Variants in PUDP observed in about 807,000 individuals in gnomAD.
The protein encoded by PUDP is pseudouridine-5'-phosphatase.
Under a neutral mutation model 9.4 loss-of-function variants are expected in PUDP, and 8 were observed. The observed-to-expected ratio is 0.85, with a 90% CI of 0.50 to 1.53. PUDP has a LOEUF of 1.53. Ranked by LOEUF, PUDP falls within the 40% of genes most tolerant of loss-of-function variation. The pLI is 0.00. For synonymous variants in PUDP, 99 were observed against 80.7 expected (o/e 1.23, Z -1.22); for missense variants, 188 against 189.7 (o/e 0.99, Z 0.05).
At chrX:6,940,706 G>A (rs73629012) in intron 3 of PUDP, among the ~76,000 whole-genome samples, 3,490 of 111,072 alleles carry the variant, frequency 0.031, 139 homozygotes, top group African/African-American at 0.11. Flanking sequence ...AGACACGAGA[G>A]TAACAAGTCC....
chrX:7,089,883 G>C (rs984094269), intron 2 of PUDP, among the ~76,000 whole-genome samples: 2 of 111,779 alleles, frequency 1.8e-5, no homozygotes, highest in South Asian at 3.7e-4. Flanking sequence ...AAGAAAAGAG[G>C]GGGTAACATC....
chrX:7,049,909 G>T lies in PUDP; in HGVS notation c.*387C>A. 7.5e-6 allele frequency: 1 copy of T among 133,423 alleles called. No individual in the cohort carries two copies. Among genetic ancestry groups the T allele is most frequent in the Non-Finnish European group, 1.5e-5 (1 of 66,907 alleles). The allele number at this position is 133,423 out of a possible 1,213,427, so 11.0% of individuals were successfully genotyped here. A position where few individuals can be genotyped will look rare whatever the true frequency, so the allele number is the denominator to read the frequency against. On this transcript the variant is annotated 3_prime_UTR_variant, in exon 4 of 4. Transcript: ENST00000381077. ...GTATATATTTTACATATACATGCAT[G>T]CATATGTCTACATACATATGCATGT...
At chrX:7,097,735 A>G (rs1931612902) in intron 2 of PUDP, among the ~76,000 whole-genome samples, 1 of 111,750 alleles carries the variant, frequency 8.9e-6, no homozygotes, top group Non-Finnish European at 1.9e-5. Context: ...GCTGACTTCC[A>G]GAGGATGAGT....
chrX:6,727,080 T>C (rs1416001478), intron 3 of PUDP, among the ~76,000 whole-genome samples: 1 of 111,598 alleles, frequency 9.0e-6, no homozygotes, highest in Non-Finnish European at 1.9e-5. Context: ...GAAAATTTTT[T>C]CTTGGGAAAG....
intron 3 of PUDP, among the ~76,000 whole-genome samples, chrX:6,819,878 G>C (rs1403570496): frequency 9.0e-6 from 1 of 111,292 alleles, no homozygotes; most frequent in African/African-American, 3.3e-5. Flanking sequence ...TTTTATAATT[G>C]TATTTTGTAT....
intron 1 of PUDP, among the ~76,000 whole-genome samples, chrX:7,107,935 C>A (rs1931932868): frequency 1.8e-5 from 2 of 112,738 alleles, no homozygotes; most frequent in African/African-American, 6.4e-5. Flanking sequence ...CTGTGTCACA[C>A]ATGGAGGAGG....
At chrX:7,057,774 C>A (rs1286925035) in intron 3 of PUDP, 1 of 1,154,855 alleles carries the variant, frequency 8.7e-7, no homozygotes, top group Non-Finnish European at 1.1e-6. Context: ...GGGATCCCGG[C>A]AGCCCTGGCA....
chrX:6,883,641 C>G (rs1927381370), intron 3 of PUDP, among the ~76,000 whole-genome samples: 1 of 110,695 alleles, frequency 9.0e-6, no homozygotes, highest in Non-Finnish European at 1.9e-5. Flanking sequence ...ATTCTACAAG[C>G]AGGGACTTTC....
At chrX:7,096,688 T>C (rs1025541542) in intron 2 of PUDP, among the ~76,000 whole-genome samples, 4 of 110,183 alleles carry the variant, frequency 3.6e-5, no homozygotes, top group African/African-American at 1.3e-4. Context: ...GAAAAAAACC[T>C]TAGTGGGTGT....
At position 6,750,570 on chromosome X, in the gene PUDP, C is replaced by A. The variant is rs145140320; in HGVS notation, c.*248-44104G>T. Reference sequence around the variant, plus strand: ...AACTTCAGGTAGATGGGGTTTTCTGCTGGAAACATTGACCCCTGGTAGGCT... The same window carrying A: ...AACTTCAGGTAGATGGGGTTTTCTGATGGAAACATTGACCCCTGGTAGGCT... On this transcript the variant is annotated intron_variant and NMD_transcript_variant, in intron 3 of 3. Coordinates refer to the PUDP transcript ENST00000655425. 5.6e-3 allele frequency among the ~76,000 whole-genome samples: 620 copies of A among 111,588 alleles called. 3 individuals carry two copies. Among genetic ancestry groups the A allele is most frequent in the African/African-American group, 0.02 (602 of 30,713 alleles).
At chrX:7,117,543 G>A (rs1231154774) in intron 1 of PUDP, among the ~76,000 whole-genome samples, 2 of 112,629 alleles carry the variant, frequency 1.8e-5, no homozygotes, top group Non-Finnish European at 3.7e-5. Flanking sequence ...AACAGACTAC[G>A]CTCAGATGCA....
chrX:7,060,673 G>A (rs1930376101), intron 3 of PUDP, among the ~76,000 whole-genome samples: 1 of 112,637 alleles, frequency 8.9e-6, no homozygotes, highest in Non-Finnish European at 1.9e-5. Context: ...AAGAGTAGCT[G>A]AATGTGGCAT....
At chrX:6,796,854 A>C (rs998121966) in intron 3 of PUDP, among the ~76,000 whole-genome samples, 4 of 111,799 alleles carry the variant, frequency 3.6e-5, no homozygotes, top group Non-Finnish European at 7.5e-5. Flanking sequence ...CAGCACTTAT[A>C]AATGGATGAG....
At chrX:7,075,666 G>T (rs1015087742) in intron 3 of PUDP, among the ~76,000 whole-genome samples, 15 of 111,499 alleles carry the variant, frequency 1.3e-4, no homozygotes, top group Non-Finnish European at 2.4e-4. Flanking sequence ...TACATAAGGG[G>T]CCTGGGGAGC....
chrX:7,029,286 G>C (rs1043159773), intron 1 of PUDP, among the ~76,000 whole-genome samples: 3 of 111,885 alleles, frequency 2.7e-5, no homozygotes, highest in African/African-American at 9.7e-5. Flanking sequence ...TGCAAATACA[G>C]TCACATTCTG....
At chrX:7,069,355 G>C (rs1930661401) in intron 3 of PUDP, among the ~76,000 whole-genome samples, 1 of 111,444 alleles carries the variant, frequency 9.0e-6, no homozygotes, top group Non-Finnish European at 1.9e-5. Flanking sequence ...GGTCATCTGG[G>C]AGAGCAAGAT....
chrX:7,079,869 C>T (rs762917846), intron 2 of PUDP, among the ~76,000 whole-genome samples: 36 of 111,730 alleles, frequency 3.2e-4, no homozygotes, highest in Non-Finnish European at 5.6e-4. Context: ...ATCTAAGTTG[C>T]CACATTGAAA....
intron 1 of PUDP, among the ~76,000 whole-genome samples, chrX:6,986,572 C>T (rs1929106233): frequency 1.8e-5 from 2 of 112,077 alleles, no homozygotes; most frequent in African/African-American, 6.5e-5. Flanking sequence ...AATTGTACCC[C>T]GAAGAGGAGA....
At chrX:6,927,646 G>A (rs1208839410) in intron 3 of PUDP, among the ~76,000 whole-genome samples, 4 of 111,611 alleles carry the variant, frequency 3.6e-5, no homozygotes, top group South Asian at 3.7e-4. Context: ...AAAAATCACC[G>A]ACATGAGGCA....
Sources: gnomAD v4.1 joint callset for allele counts (sites outside exome capture counted in the v4.1 genomes callset) on GRCh38, gnomAD v4.1.1 for gene constraint, MANE v1.5 for transcripts, NCBI Gene and HGNC (gene_info 2026-07-23, HGNC 2026-07-21) for gene names.